CSMD1: variants seen among roughly 807,000 people sequenced by gnomAD.
CSMD1 encodes CUB and sushi domain-containing protein 1.
CSMD1 carries 213 observed loss-of-function variants against 417.5 expected under a neutral mutation model. The ratio of observed to expected loss-of-function variants is 0.51; its 90% CI spans 0.46 to 0.57. The LOEUF is 0.57. Ranked by LOEUF, CSMD1 falls within the 20% of genes least tolerant of loss-of-function variation. CSMD1 has a pLI of 0.00. For missense variants in CSMD1, 6,923 were observed against 4,529.7 expected (o/e 1.53, Z -15.17); for synonymous variants, 2,862 against 1,736.8 (o/e 1.65, Z -16.11).
chr8:3,238,622 A>C (rs533003609), intron 26 of CSMD1, among the ~76,000 whole-genome samples: 1 of 152,178 alleles, frequency 6.6e-6, no homozygotes, highest in East Asian at 1.9e-4. Flanking sequence ...TGTTAGAAGA[A>C]ACATTTGTCA....
intron 3 of CSMD1, among the ~76,000 whole-genome samples, chr8:4,256,021 A>C (rs1803433078): frequency 6.6e-6 from 1 of 152,200 alleles, no homozygotes; most frequent in Non-Finnish European, 1.5e-5. Flanking sequence ...TAAATACAGC[A>C]TGGAAAGAAC....
At chr8:3,646,301 T>A (rs1397115719) in intron 7 of CSMD1, among the ~76,000 whole-genome samples, 2 of 152,166 alleles carry the variant, frequency 1.3e-5, no homozygotes, top group African/African-American at 4.8e-5. Context: ...GTATGAAATA[T>A]ACTAAATATA....
intron 3 of CSMD1, among the ~76,000 whole-genome samples, chr8:4,103,251 A>C (rs1801396127): frequency 2.3e-5 from 2 of 86,632 alleles, no homozygotes; most frequent in Non-Finnish European, 4.4e-5. Flanking sequence ...ACTGATGATC[A>C]GTGTATACAT....
intron 7 of CSMD1, among the ~76,000 whole-genome samples, chr8:3,681,492 G>C (rs370219991): frequency 6.6e-6 from 1 of 152,240 alleles, no homozygotes; most frequent in East Asian, 1.9e-4. Flanking sequence ...GGGATGTGAA[G>C]GACCTCTTCA....
rs550799769 is a variant in CSMD1 at position 4,344,174 on chromosome 8, A to G, written c.415+75779T>C. Among the ~76,000 whole-genome samples, 9 of 152,192 alleles carry G rather than the reference A, an allele frequency of 5.9e-5. No individual in the cohort carries two copies. In the East Asian group the frequency reaches 1.7e-3, roughly 29 times the overall value. ...ATGCCTTGTTAATCTGCTTTTTCAT[A>G]TATTTTCAGATTTCTCTGTAACCGT... On this transcript the variant is annotated intron_variant, in intron 3 of 69. Transcript: ENST00000635120.
intron 25 of CSMD1, among the ~76,000 whole-genome samples, chr8:3,307,328 C>T (rs1288346110): frequency 6.6e-6 from 1 of 152,038 alleles, no homozygotes; most frequent in East Asian, 1.9e-4. Context: ...CTGAGGCCCT[C>T]ACACCTAAGG....
intron 2 of CSMD1, among the ~76,000 whole-genome samples, chr8:4,447,523 T>C (rs1395708758): frequency 2.6e-5 from 4 of 152,166 alleles, no homozygotes; most frequent in East Asian, 3.9e-4. Flanking sequence ...GAGGCTCTAA[T>C]CCAAATCCCT....
rs1392479876 is a variant in CSMD1, at chr8:3,412,019, TAC to T, written c.1562-2416_1562-2415del. 7.0e-3 allele frequency among the ~76,000 whole-genome samples: 235 copies of T among 33,736 alleles called. 74 individuals carry two copies. Among genetic ancestry groups the T allele is most frequent in the Non-Finnish European group, 7.8e-3 (106 of 13,646 alleles). 22.1% of individuals were successfully genotyped at this position (33,736 alleles called of 152,430 possible). A position where few individuals can be genotyped will look rare whatever the true frequency, so the allele number is the denominator to read the frequency against. On this transcript the variant is annotated intron_variant, in intron 12 of 69. Coordinates refer to ENST00000635120, the MANE Select transcript of CSMD1 (RefSeq NM_033225.6). Reference sequence around the variant, plus strand: ...GTATATACACGTATATATATACATATACACACGTATATATACACATATATACA... The same window carrying T: ...GTATATACACGTATATATATACATATACACGTATATATACACATATATACA...
At chr8:3,077,061 C>T (rs1410359094) in intron 49 of CSMD1, among the ~76,000 whole-genome samples, 2 of 152,068 alleles carry the variant, frequency 1.3e-5, no homozygotes, top group Admixed American at 6.5e-5. Flanking sequence ...CATGTGTGCC[C>T]AGGTATGTGT....
chr8:3,213,149 G>A (rs1363332616), intron 30 of CSMD1, among the ~76,000 whole-genome samples: 1 of 152,076 alleles, frequency 6.6e-6, no homozygotes, highest in Non-Finnish European at 1.5e-5. Flanking sequence ...TATTTAAAAT[G>A]TTTATTTGGC....
intron 30 of CSMD1, among the ~76,000 whole-genome samples, chr8:3,210,786 T>C (rs1797558916): frequency 6.6e-6 from 1 of 151,632 alleles, no homozygotes; most frequent in African/African-American, 2.4e-5. Flanking sequence ...CCCATGCTTT[T>C]TCTATGGCTA....
chr8:3,136,410 G>T lies in CSMD1; in HGVS notation c.6241+6055C>A, dbSNP rs543581175. Among the ~76,000 whole-genome samples the T allele has an allele frequency of 1.3e-3, 202 of 151,928 alleles. 1 individual carries two copies. The South Asian group carries it at 0.015, about 11-fold the overall frequency. ...CTCCTGAGAAGTTGGGATCACAGGC[G>T]CTCCCCACCATGCCCAGCTAGTATT... On this transcript the variant is annotated intron_variant, in intron 41 of 69. Coordinates refer to ENST00000635120, the MANE Select transcript of CSMD1 (RefSeq NM_033225.6).
At chr8:4,446,419 A>C (rs781698977) in intron 2 of CSMD1, among the ~76,000 whole-genome samples, 1 of 152,106 alleles carries the variant, frequency 6.6e-6, no homozygotes, top group East Asian at 1.9e-4. Flanking sequence ...GTGGTGGTGC[A>C]CACCTGTAGT....
At chr8:4,423,572 A>G (rs1585051626) in intron 2 of CSMD1, among the ~76,000 whole-genome samples, 1 of 152,104 alleles carries the variant, frequency 6.6e-6, no homozygotes, top group East Asian at 1.9e-4. Flanking sequence ...ATGGACAGAT[A>G]TACCATGTTA....
chr8:4,975,091 C>G (rs890246911), intron 1 of CSMD1, among the ~76,000 whole-genome samples: 1 of 152,108 alleles, frequency 6.6e-6, no homozygotes, highest in Non-Finnish European at 1.5e-5. Flanking sequence ...AAACATTTAT[C>G]TACCAAGAAG....
At chr8:3,838,071 G>C (rs1390257789) in intron 5 of CSMD1, among the ~76,000 whole-genome samples, 1 of 152,024 alleles carries the variant, frequency 6.6e-6, no homozygotes, top group Admixed American at 6.6e-5. Flanking sequence ...ACGGTTGTAG[G>C]GCTTTGGGAA....
At chr8:3,851,490 A>C (rs1231945171) in intron 5 of CSMD1, among the ~76,000 whole-genome samples, 1 of 152,124 alleles carries the variant, frequency 6.6e-6, no homozygotes, top group Non-Finnish European at 1.5e-5. Flanking sequence ...AGAAAGACCT[A>C]GTGTCTTGAG....
intron 2 of CSMD1, among the ~76,000 whole-genome samples, chr8:4,596,495 A>G (rs535535270): frequency 3.5e-4 from 54 of 152,322 alleles, no homozygotes; most frequent in Non-Finnish European, 6.6e-4. Context: ...AATTTTATGT[A>G]TAACACACAA....
intron 1 of CSMD1, among the ~76,000 whole-genome samples, chr8:4,707,554 T>C (rs1808019100): frequency 6.6e-6 from 1 of 152,132 alleles, no homozygotes; most frequent in Middle Eastern, 3.4e-3. Context: ...GAACAGATGC[T>C]AACTAAATTC....
Sources: gnomAD v4.1 joint callset for allele counts (sites outside exome capture counted in the v4.1 genomes callset) on GRCh38, gnomAD v4.1.1 for gene constraint, MANE v1.5 for transcripts, NCBI Gene and HGNC (gene_info 2026-07-23, HGNC 2026-07-21) for gene names.